Variants in ARHGEF17 observed in about 807,000 individuals in gnomAD.
ARHGEF17 encodes the protein Rho guanine nucleotide exchange factor 17, also known as 164 kDa Rho-specific guanine-nucleotide exchange factor.
Under a neutral mutation model 174.0 loss-of-function variants are expected in ARHGEF17, and 80 were observed. The observed-to-expected ratio is 0.46, with a 90% CI of 0.38 to 0.55. The LOEUF (loss-of-function observed/expected upper bound fraction) is 0.55, where lower values mean the gene tolerates loss of function less well. ARHGEF17 is among the 20% of genes least tolerant of loss of function. The pLI is 0.00. For synonymous variants in ARHGEF17, 1,311 were observed against 1,189.1 expected (o/e 1.10, Z -2.11); for missense variants, 2,886 against 2,839.7 (o/e 1.02, Z -0.37).
intron 1 of ARHGEF17, among the ~76,000 whole-genome samples, chr11:73,338,959 A>G (rs1293554977): frequency 6.6e-6 from 1 of 152,168 alleles, no homozygotes; most frequent in African/African-American, 2.4e-5. Flanking sequence ...CTGGCCCCTG[A>G]GAATTGTCCA....
chr11:73,367,012 A>G (rs1279495018), intron 20 of ARHGEF17, among the ~76,000 whole-genome samples: 2 of 152,210 alleles, frequency 1.3e-5, no homozygotes, highest in Non-Finnish European at 2.9e-5. Flanking sequence ...ATTGCACTCC[A>G]GCCCAGGCAA....
Position 73,308,896 on chromosome 11 carries a change from C to T in ARHGEF17, c.258C>T (p.Ser86=). 5 of 1,365,442 alleles carry T rather than the reference C, an allele frequency of 3.7e-6. No individual in the cohort carries two copies. Among genetic ancestry groups the T allele is most frequent in the Non-Finnish European group, 3.8e-6 (4 of 1,065,670 alleles). 84.6% of individuals were successfully genotyped at this position (1,365,442 alleles called of 1,614,324 possible). The change falls in exon 1 of 21, where the codon TCC becomes TCT. Residue 86 remains serine (S), a synonymous_variant. Coordinates refer to ENST00000263674, the MANE Select transcript of ARHGEF17 (RefSeq NM_014786.4). ...TCTCGCCGTCGGTTCGCCAGCTCTC[C>T]CGGCGCTTCGACGCGCCGCGTCTGG... ...RSLSPSVRQL[S]RRFDAPRLDD... is the part of the protein sequence containing the mutation.
At position 73,347,088 on chromosome 11, in the gene ARHGEF17, G is replaced by A. The variant is rs559482838; in HGVS notation, c.3270+128G>A. ...GAGAGCCGTGTCCCTGGCATCCGTC[G>A]CCTTTCCATGAAGAACCCCCAGCAT... On this transcript the variant is annotated intron_variant, in intron 2 of 20. Transcript: ENST00000263674. 61 of 932,580 alleles carry A rather than the reference G, an allele frequency of 6.5e-5. 1 individual carries two copies. The Admixed American group carries it at 9.4e-4, about 14-fold the overall frequency. The allele number at this position is 932,580 out of a possible 1,614,324, so 57.8% of individuals were successfully genotyped here. A position where few individuals can be genotyped will look rare whatever the true frequency, so the allele number is the denominator to read the frequency against.
chr11:73,368,485 G>T lies in ARHGEF17; in HGVS notation c.*705G>T, dbSNP rs992670464. On this transcript the variant is annotated 3_prime_UTR_variant, in exon 21 of 21. Transcript: ENST00000263674. Reference sequence around the variant, plus strand: ...CTAGATCAAGATGCTGACTATTAGGGGGCAGTGATTGCCATCTGGGGACCT... The same window carrying T: ...CTAGATCAAGATGCTGACTATTAGGTGGCAGTGATTGCCATCTGGGGACCT... The T allele has an allele frequency of 4.6e-5, 7 of 152,162 alleles. No homozygotes were observed. The highest frequency in any genetic ancestry group is 2.9e-5 in the Non-Finnish European group (2 of 68,038). The allele number at this position is 152,162 out of a possible 1,614,324, so 9.4% of individuals were successfully genotyped here.
At position 73,365,779 on chromosome 11, in the gene ARHGEF17, G is replaced by C. The variant is rs377333672; in HGVS notation, c.5827G>C (p.Val1943Leu). The C allele has an allele frequency of 1.4e-5, 23 of 1,613,668 alleles. No homozygotes were observed. Among genetic ancestry groups the C allele is most frequent in the Non-Finnish European group, 1.9e-5 (23 of 1,180,042 alleles). The change falls in exon 20 of 21, where the codon GTC becomes CTC. Residue 1943 changes from valine to leucine, a missense_variant. Around this residue, in one of 4 missense-constraint regions of ARHGEF17, gnomAD observed 329 missense variants for 435.2 expected, o/e 0.76. Transcript: ENST00000263674. This position sits in a 1 kb window ranked among gnomAD's most constrained non-coding sequence, Gnocchi z 4.9. ...GTGGGTGGGCACCAGTGCTGGTGTC[G>C]TCCTCACCATGCCCACTTCGCCCGG... ...LLWVGTSAGV[V>L]LTMPTSPGTV... is the part of the protein sequence containing the mutation.
rs557930377 is a variant in ARHGEF17 at position 73,359,494 on chromosome 11, G to A, written c.4088-340G>A. Among the ~76,000 whole-genome samples the A allele has an allele frequency of 7.9e-5, 12 of 152,340 alleles. No homozygotes were observed. In the East Asian group the frequency reaches 1.7e-3, roughly 22 times the overall value. ...CTGCCTGCTCTGTCAGCACGCCCAC[G>A]GGAGGCTGCAACGCCGCAGCAGTTC... On this transcript the variant is annotated intron_variant, in intron 9 of 20. Coordinates refer to ENST00000263674, the MANE Select transcript of ARHGEF17 (RefSeq NM_014786.4).
rs775309573 is a variant in ARHGEF17, at chr11:73,309,455, C to T, written c.817C>T (p.His273Tyr). Reference protein sequence around the residue: ...GAQSPAYHGGHSSGSDDDRDG... With the variant: ...GAQSPAYHGGYSSGSDDDRDG... ...CCAGAGTCCGGCCTACCACGGCGGCCACTCCTCGGGCAGTGACGACGACCG... is the reference window on the plus strand; with the variant it reads ...CCAGAGTCCGGCCTACCACGGCGGCTACTCCTCGGGCAGTGACGACGACCG... The change falls in exon 1 of 21, where the codon CAC (histidine) becomes TAC (tyrosine). Residue 273 changes from histidine to tyrosine, a missense_variant. Around this residue, in one of 4 missense-constraint regions of ARHGEF17, gnomAD observed 1,728 missense variants for 1,461.2 expected, o/e 1.18. Transcript: ENST00000263674. The T allele has an allele frequency of 2.6e-6, 4 of 1,540,664 alleles. No homozygotes were observed. Among genetic ancestry groups the T allele is most frequent in the South Asian group, 1.2e-5 (1 of 81,682 alleles).
intron 1 of ARHGEF17, among the ~76,000 whole-genome samples, chr11:73,314,573 T>A (rs2135786872): frequency 6.6e-6 from 1 of 152,046 alleles, no homozygotes; most frequent in Non-Finnish European, 1.5e-5. Flanking sequence ...TCAAGTGAAA[T>A]GGGAGGAGCC....
In ARHGEF17 at chr11:73,309,013, C is replaced by T. The variant is rs12272360; in HGVS notation, c.375C>T (p.Ser125=). The change falls in exon 1 of 21, where the codon AGC becomes AGT. Residue 125 remains serine, a synonymous_variant. Coordinates refer to ENST00000263674, the MANE Select transcript of ARHGEF17 (RefSeq NM_014786.4). Reference sequence around the variant, plus strand: ...GCCCAGCGCGAGGAGCCTGGCCCAGCGTCACCGAGATGCGCAAGCTCTTCG... The same window carrying T: ...GCCCAGCGCGAGGAGCCTGGCCCAGTGTCACCGAGATGCGCAAGCTCTTCG... ...AEGPARGAWP[S]VTEMRKLFGG... is the part of the protein sequence containing the mutation. The T allele has an allele frequency of 0.1, 143,563 of 1,412,064 alleles. 7,976 individuals carry two copies. Among genetic ancestry groups the T allele is most frequent in the African/African-American group, 0.19 (12,563 of 65,820 alleles). The allele number at this position is 1,412,064 out of a possible 1,614,324, so 87.5% of individuals were successfully genotyped here.
At chr11:73,332,317 T>C (rs915904065) in intron 1 of ARHGEF17, among the ~76,000 whole-genome samples, 16 of 151,638 alleles carry the variant, frequency 1.1e-4, no homozygotes, top group Admixed American at 9.2e-4. Context: ...CCACTGTTAA[T>C]GTTCTGGTAT....
chr11:73,322,952 G>C (rs151056369), intron 1 of ARHGEF17, among the ~76,000 whole-genome samples: 243 of 152,240 alleles, frequency 1.6e-3, no homozygotes, highest in African/African-American at 5.7e-3. Flanking sequence ...GCAGAATCTG[G>C]GAATTCGAAT....
Position 73,363,237 on chromosome 11 carries a change from G to T in ARHGEF17, c.5028G>T (p.Thr1676=). Residue 1676 remains threonine, a synonymous_variant, in exon 15 of 21, where the codon ACG becomes ACT. Transcript: ENST00000263674. The part of the protein sequence containing the change: ...NEETPSSKEA[T]AETTSSEEEQ... Reference sequence around the variant, plus strand: ...AGACCCCGAGTTCCAAGGAGGCCACGGCAGAGACCACCAGCTCAGAGGAGG... The same window carrying T: ...AGACCCCGAGTTCCAAGGAGGCCACTGCAGAGACCACCAGCTCAGAGGAGG... 6.3e-7 allele frequency: 1 copy of T among 1,593,848 alleles called. No homozygotes were observed. Among genetic ancestry groups the T allele is most frequent in the Non-Finnish European group, 8.6e-7 (1 of 1,167,206 alleles).
At chr11:73,353,259 C>G (rs573839727) in intron 3 of ARHGEF17, 153 of 571,148 alleles carry the variant, frequency 2.7e-4, no homozygotes, top group African/African-American at 2.5e-3. Flanking sequence ...GACACTGACT[C>G]TGATCCTGGA....
At chr11:73,328,558 A>T (rs538100619) in intron 1 of ARHGEF17, among the ~76,000 whole-genome samples, 1 of 152,320 alleles carries the variant, frequency 6.6e-6, no homozygotes, top group East Asian at 1.9e-4. Context: ...TGAAGGAGGA[A>T]TTGGACAGTT....
chr11:73,339,246 G>T (rs1865331750), intron 1 of ARHGEF17, among the ~76,000 whole-genome samples: 2 of 152,158 alleles, frequency 1.3e-5, no homozygotes, highest in Admixed American at 6.5e-5. Context: ...CCAGCACAGT[G>T]CTTGGCATCT....
chr11:73,308,460 C>A lies in ARHGEF17; in HGVS notation c.-179C>A. The A allele has an allele frequency of 1.9e-6, 1 of 540,390 alleles. No individual in the cohort carries two copies. The highest frequency in any genetic ancestry group is 2.9e-6 in the Non-Finnish European group (1 of 347,142). 33.5% of individuals were successfully genotyped at this position (540,390 alleles called of 1,614,324 possible). A position where few individuals can be genotyped will look rare whatever the true frequency, so the allele number is the denominator to read the frequency against. On this transcript the variant is annotated 5_prime_UTR_variant, in exon 1 of 21. Transcript: ENST00000263674. ...CCGCCCGGGATGGAGACGTTGCGGC[C>A]GGTGGCCACAGAAACTTGAGCCGCG...
At chr11:73,340,314 C>T (rs1865349510) in intron 1 of ARHGEF17, among the ~76,000 whole-genome samples, 1 of 152,226 alleles carries the variant, frequency 6.6e-6, no homozygotes, top group Non-Finnish European at 1.5e-5. Flanking sequence ...AAGTCCCGCC[C>T]CCTTCTTGGG....
Position 73,319,313 on chromosome 11 carries a change from C to G in ARHGEF17, c.3192+7483C>G, listed in dbSNP as rs751849825. ...TCTTGACCTCGTGATCCGCCTGCCT[C>G]GACCTCCCAAAGTGCTGGAATTACA... On this transcript the variant is annotated intron_variant, in intron 1 of 20. Coordinates refer to ENST00000263674, the MANE Select transcript of ARHGEF17 (RefSeq NM_014786.4). Among the ~76,000 whole-genome samples, 3 of 152,192 alleles carry G rather than the reference C, an allele frequency of 2.0e-5. No individual in the cohort carries two copies. In the South Asian group the frequency reaches 6.2e-4, roughly 32 times the overall value.
chr11:73,367,703 A>T lies in ARHGEF17; in HGVS notation c.6115A>T (p.Ser2039Cys). The change falls in exon 21 of 21, where the codon AGC (serine) becomes TGC (cysteine). Residue 2039 changes from serine (S) to cysteine (C), a missense_variant. Coordinates refer to ENST00000263674, the MANE Select transcript of ARHGEF17 (RefSeq NM_014786.4). ...TGATGGCTATGAGGACTTCCGACTCAGCAGTGGGGGCGGCAGCAGCAGTGA... is the reference window on the plus strand; with the variant it reads ...TGATGGCTATGAGGACTTCCGACTCTGCAGTGGGGGCGGCAGCAGCAGTGA... Reference protein sequence around the residue: ...GGDGYEDFRLSSGGGSSSETV... With the variant: ...GGDGYEDFRLCSGGGSSSETV... The T allele has an allele frequency of 1.2e-6, 2 of 1,614,118 alleles. No homozygotes were observed. Among genetic ancestry groups the T allele is most frequent in the Non-Finnish European group, 1.7e-6 (2 of 1,180,010 alleles).
Sources: gnomAD v4.1 joint callset for allele counts (sites outside exome capture counted in the v4.1 genomes callset) on GRCh38, gnomAD v4.1.1 for gene constraint, gnomAD v4.1.1 regional missense constraint, Gnocchi (gnomAD v3.1) non-coding constraint, MANE v1.5 for transcripts, NCBI Gene and HGNC (gene_info 2026-07-23, HGNC 2026-07-21) for gene names.